Variants in CALCR observed in about 807,000 individuals in gnomAD.
CALCR encodes calcitonin receptor.
In CALCR, 47 loss-of-function variants were observed where a neutral mutation model predicts 59.5. The observed-to-expected ratio is 0.79, with a 90% CI of 0.63 to 1.01. CALCR has a LOEUF of 1.01. CALCR is among the 50% of genes least tolerant of loss of function. The pLI, the probability that CALCR is intolerant of heterozygous loss-of-function variation, is 0.00. For missense variants in CALCR, 566 were observed against 597.1 expected (o/e 0.95, Z 0.54); for synonymous variants, 213 against 211.3 (o/e 1.01, Z -0.07).
chr7:93,564,368 T>A (rs1387669571), intron 2 of CALCR, among the ~76,000 whole-genome samples: 1 of 152,148 alleles, frequency 6.6e-6, no homozygotes, highest in East Asian at 1.9e-4. Context: ...TTTAACATGC[T>A]TAAGTTTAGT....
At chr7:93,477,734 C>T in intron 4 of CALCR, 66 bp from the exon 5 acceptor site, 8 of 986,512 alleles carry the variant, frequency 8.1e-6, no homozygotes, top group South Asian at 1.3e-5. Flanking sequence ...AGATTGATCC[C>T]AAGACGATAT....
At chr7:93,517,916 C>T (rs1293660203) in intron 2 of CALCR, among the ~76,000 whole-genome samples, 1 of 151,770 alleles carries the variant, frequency 6.6e-6, no homozygotes, top group Non-Finnish European at 1.5e-5. Context: ...GGAAAGGTGA[C>T]ATTTTATATT....
intron 2 of CALCR, among the ~76,000 whole-genome samples, chr7:93,569,207 CCA>C (rs1246663141): frequency 1.3e-5 from 2 of 151,758 alleles, no homozygotes; most frequent in African/African-American, 2.4e-5. Flanking sequence ...CTCTTATTTT[CCA>C]CCAGAGAGAT....
At chr7:93,557,669 T>G (rs1789643358) in intron 2 of CALCR, among the ~76,000 whole-genome samples, 1 of 151,984 alleles carries the variant, frequency 6.6e-6, no homozygotes, top group African/African-American at 2.4e-5. Context: ...TTTATGATTA[T>G]AACACCTAGA....
intron 4 of CALCR, among the ~76,000 whole-genome samples, chr7:93,478,632 C>T (rs1415878054): frequency 1.1e-4 from 3 of 27,518 alleles, no homozygotes; most frequent in Non-Finnish European, 1.9e-4. Flanking sequence ...GAGACCCTGT[C>T]TTAAATATAT....
At chr7:93,572,885 A>G (rs1790039013) in intron 2 of CALCR, among the ~76,000 whole-genome samples, 1 of 152,232 alleles carries the variant, frequency 6.6e-6, no homozygotes, top group African/African-American at 2.4e-5. Context: ...GTAGCCAATG[A>G]ATAAACTTAG....
At chr7:93,458,415 A>T (rs1420745112) in intron 8 of CALCR, among the ~76,000 whole-genome samples, 2 of 152,132 alleles carry the variant, frequency 1.3e-5, no homozygotes, top group Non-Finnish European at 2.9e-5. Context: ...CAAAAATGAA[A>T]ATATCCCTTG....
At chr7:93,507,412 A>G (rs1801447482) in intron 2 of CALCR, among the ~76,000 whole-genome samples, 1 of 152,126 alleles carries the variant, frequency 6.6e-6, no homozygotes, top group Non-Finnish European at 1.5e-5. Flanking sequence ...ATGAGCAGTG[A>G]GGAGGGTAAG....
intron 11 of CALCR, 99 bp from the exon 12 acceptor site, chr7:93,436,269 G>A: frequency 1.1e-6 from 1 of 934,816 alleles, no homozygotes; most frequent in Admixed American, 2.1e-5. Context: ...AGCAACAAAT[G>A]TTACCTACAT....
chr7:93,430,954 T>C (rs1006066960), intron 13 of CALCR, among the ~76,000 whole-genome samples: 3 of 152,210 alleles, frequency 2.0e-5, no homozygotes, highest in Non-Finnish European at 2.9e-5. Flanking sequence ...TCAGGCTTTA[T>C]TGAGTGGGAG....
At chr7:93,486,155 T>C (rs957811116) in intron 3 of CALCR, among the ~76,000 whole-genome samples, 1 of 151,470 alleles carries the variant, frequency 6.6e-6, no homozygotes, top group Non-Finnish European at 1.5e-5. Context: ...CAAATGTTAC[T>C]CTGATGTGAC....
rs140219495 is a variant in CALCR, at chr7:93,477,511, T to C, written c.316+47A>G. 6.1e-6 allele frequency: 8 copies of C among 1,321,792 alleles called. No homozygotes were observed. The Admixed American group carries it at 1.4e-4, about 23-fold the overall frequency. The allele number at this position is 1,321,792 out of a possible 1,614,324, so 81.9% of individuals were successfully genotyped here. A position where few individuals can be genotyped will look rare whatever the true frequency, so the allele number is the denominator to read the frequency against. On this transcript the variant is annotated intron_variant, in intron 5 of 13. Transcript: ENST00000426151. ...ATTTTCTTCTCAAAACCATGAAAAC[T>C]CTAAAAGCTTCATAGCAAGAACATA...
intron 12 of CALCR, 120 bp downstream of exon 12, chr7:93,435,824 TAATAAATA>T (rs140043489): frequency 1.9e-5 from 6 of 312,050 alleles, no homozygotes; most frequent in African/African-American, 4.6e-5. Flanking sequence ...TAAAATAAAA[TAATAAATA>T]AATAAATAAA....
At chr7:93,560,607 A>C (rs1235647048) in intron 2 of CALCR, among the ~76,000 whole-genome samples, 2 of 152,078 alleles carry the variant, frequency 1.3e-5, no homozygotes. Flanking sequence ...TGATATGTAC[A>C]ATGAATCATT....
rs2074123 is a variant in CALCR at position 93,443,835 on chromosome 7, C to G, written c.649-78G>C. On this transcript the variant is annotated intron_variant, in intron 8 of 13. Transcript: ENST00000426151. ...AGGGAGCACAGAGCAAATGTGAAAA[C>G]AAGCCAAAGTATCTGCATTCAGCTT... The G allele has an allele frequency of 0.51, 673,962 of 1,314,148 alleles. 173,276 individuals are homozygous for G. Among genetic ancestry groups the G allele is most frequent in the Admixed American group, 0.61 (31,352 of 51,056 alleles). The allele number at this position is 1,314,148 out of a possible 1,614,324, so 81.4% of individuals were successfully genotyped here.
chr7:93,454,928 GTGTGT>G (rs1320593863), intron 8 of CALCR, among the ~76,000 whole-genome samples: 1 of 151,224 alleles, frequency 6.6e-6, no homozygotes, highest in African/African-American at 2.4e-5. Context: ...GTGTGTGTGT[GTGTGT>G]GTGTGTGTGT....
At chr7:93,473,835 T>A (rs1471944931) in intron 5 of CALCR, among the ~76,000 whole-genome samples, 2 of 151,714 alleles carry the variant, frequency 1.3e-5, no homozygotes, top group Non-Finnish European at 2.9e-5. Flanking sequence ...TTTTTTCAAT[T>A]ATTTTTGTGT....
chr7:93,452,054 A>C (rs1246656528), intron 8 of CALCR, among the ~76,000 whole-genome samples: 1 of 151,874 alleles, frequency 6.6e-6, no homozygotes, highest in Non-Finnish European at 1.5e-5. Context: ...TGTGTTGAAA[A>C]ACCAGTTATT....
intron 7 of CALCR, among the ~76,000 whole-genome samples, chr7:93,467,975 A>C (rs1800475844): frequency 6.6e-6 from 1 of 151,632 alleles, no homozygotes; most frequent in Non-Finnish European, 1.5e-5. Context: ...TTTACTCTGA[A>C]TCTACATTTG....
Sources: gnomAD v4.1 joint callset for allele counts (sites outside exome capture counted in the v4.1 genomes callset) on GRCh38, gnomAD v4.1.1 for gene constraint, MANE v1.5 for transcripts, NCBI Gene and HGNC (gene_info 2026-07-23, HGNC 2026-07-21) for gene names.